FBXL14: variants seen among roughly 807,000 people sequenced by gnomAD.
FBXL14 encodes the protein F-box and leucine rich repeat protein 14, also known as F-box/LRR-repeat protein 14.
Under a neutral mutation model 24.5 loss-of-function variants are expected in FBXL14, and 11 were observed. The ratio of observed to expected loss-of-function variants is 0.45; its 90% CI spans 0.28 to 0.74. FBXL14 has a LOEUF of 0.74. Among genes scored for constraint, FBXL14 ranks in the 30% least tolerant of loss-of-function variants. The pLI is 0.12. For synonymous variants in FBXL14, 294 were observed against 240.4 expected (o/e 1.22, Z -2.06); for missense variants, 384 against 545.6 (o/e 0.70, Z 2.95).
intron 1 of FBXL14, among the ~76,000 whole-genome samples, chr12:1,588,833 C>T (rs1280888029): frequency 2.0e-5 from 3 of 152,020 alleles, no homozygotes; most frequent in Non-Finnish European, 4.4e-5. Flanking sequence ...TACCACCACG[C>T]AAAGTGTACT....
chr12:1,575,272 G>T (rs2094453651), intron 1 of FBXL14, among the ~76,000 whole-genome samples: 1 of 152,172 alleles, frequency 6.6e-6, no homozygotes, highest in Non-Finnish European at 1.5e-5. Flanking sequence ...AAGTAGTTTG[G>T]ATGATTAACA....
In FBXL14 at chr12:1,593,874, G is replaced by A. The variant is rs151115535; in HGVS notation, c.193C>T (p.Leu65=). 2.8e-5 allele frequency: 45 copies of A among 1,611,604 alleles called. No individual in the cohort carries two copies. The highest frequency in any genetic ancestry group is 3.4e-5 in the Non-Finnish European group (40 of 1,179,754). The change falls in exon 1 of 2, where the codon CTG becomes TTG. Residue 65 remains leucine (L), a synonymous_variant. Transcript: ENST00000339235. The surrounding 1 kb of genome is among the most constrained non-coding windows in gnomAD (Gnocchi z 7.4). The part of the protein sequence containing the change: ...RRANPSLFPS[L]QARGIRRVQI... Reference sequence around the variant, plus strand: ...ACCCGGCGGATGCCCCGGGCCTGCAGGCTGGGGAACAGCGACGGGTTGGCC... The same window carrying A: ...ACCCGGCGGATGCCCCGGGCCTGCAAGCTGGGGAACAGCGACGGGTTGGCC...
chr12:1,569,397 CTTTT>C lies in FBXL14; in HGVS notation c.1195-2591_1195-2588del, dbSNP rs35122636. On this transcript the variant is annotated intron_variant, in intron 1 of 1. Transcript: ENST00000339235. The surrounding 1 kb of genome is among the most constrained non-coding windows in gnomAD (Gnocchi z 4.2). ...ATGCTAAATAAGAAACCACTTCGTT[CTTTT>C]TTTTTTTTTTTTTGTCTGAGACGGA... 3.7e-5 allele frequency among the ~76,000 whole-genome samples: 5 copies of C among 134,916 alleles called. No homozygotes were observed. Among genetic ancestry groups the C allele is most frequent in the African/African-American group, 5.4e-5 (2 of 36,702 alleles). 88.5% of individuals were successfully genotyped at this position (134,916 alleles called of 152,430 possible).
Position 1,593,734 on chromosome 12 carries a change from C to T in FBXL14, c.333G>A (p.Ala111=), listed in dbSNP as rs777956163. 2.5e-6 allele frequency: 4 copies of T among 1,614,046 alleles called. No individual in the cohort carries two copies. The African/African-American group carries it at 4.0e-5, about 16-fold the overall frequency. Residue 111 remains alanine, a synonymous_variant, in exon 1 of 2, where the codon GCG becomes GCA. Transcript: ENST00000339235. The surrounding 1 kb of genome is among the most constrained non-coding windows in gnomAD (Gnocchi z 7.4). Reference sequence around the variant, plus strand: ...GCAGGGAGCCGATCTCCTGCACAAACGCGTGGCCCAGCCCGTTGTCGGTGA... The same window carrying T: ...GCAGGGAGCCGATCTCCTGCACAAATGCGTGGCCCAGCCCGTTGTCGGTGA... ...YNLTDNGLGH[A]FVQEIGSLRA...
chr12:1,569,865 A>G lies in FBXL14; in HGVS notation c.1195-3055T>C, dbSNP rs1415945630. On this transcript the variant is annotated intron_variant, in intron 1 of 1. Transcript: ENST00000339235. The surrounding 1 kb of genome is among the most constrained non-coding windows in gnomAD (Gnocchi z 4.2). Reference sequence around the variant, plus strand: ...CCTGTGCAAAGGAAGGGAGGCTCACACAGAGCCAAGGGAGGGCAGGGCGCA... The same window carrying G: ...CCTGTGCAAAGGAAGGGAGGCTCACGCAGAGCCAAGGGAGGGCAGGGCGCA... 1.3e-5 allele frequency among the ~76,000 whole-genome samples: 2 copies of G among 152,224 alleles called. No individual in the cohort carries two copies. The highest frequency in any genetic ancestry group is 4.8e-5 in the African/African-American group (2 of 41,454).
At chr12:1,568,628 G>A (rs1313272838) in intron 1 of FBXL14, among the ~76,000 whole-genome samples, 1 of 152,110 alleles carries the variant, frequency 6.6e-6, no homozygotes, top group Non-Finnish European at 1.5e-5. Flanking sequence ...TATTACAAGG[G>A]ATGAGGGGAG....
Position 1,592,939 on chromosome 12 carries a change from G to A in FBXL14, c.1128C>T (p.Arg376=). 6.2e-7 allele frequency: 1 copy of A among 1,611,364 alleles called. No individual in the cohort carries two copies. The highest frequency in any genetic ancestry group is 8.5e-7 in the Non-Finnish European group (1 of 1,178,224). ...CTRITKRGLE[R]ITQLPCLKVL... ...CCTTGAGGCACGGCAGCTGCGTGAT[G>A]CGCTCCAGGCCGCGCTTGGTGATTC... Residue 376 remains arginine (R), a synonymous_variant, in exon 1 of 2, where the codon CGC becomes CGT. Coordinates refer to ENST00000339235, the MANE Select transcript of FBXL14 (RefSeq NM_152441.3).
At chr12:1,581,407 C>T (rs1053275216) in intron 1 of FBXL14, among the ~76,000 whole-genome samples, 1 of 152,158 alleles carries the variant, frequency 6.6e-6, no homozygotes, top group Admixed American at 6.5e-5. Flanking sequence ...ATTACTGGAG[C>T]CCTCAGCTAT....
chr12:1,584,824 G>C (rs1415149189), intron 1 of FBXL14, among the ~76,000 whole-genome samples: 3 of 152,172 alleles, frequency 2.0e-5, no homozygotes, highest in South Asian at 2.1e-4. Context: ...TGGCCATCTT[G>C]TCGTTGTTGT....
At chr12:1,586,875 T>C (rs2094477742) in intron 1 of FBXL14, among the ~76,000 whole-genome samples, 1 of 152,246 alleles carries the variant, frequency 6.6e-6, no homozygotes, top group African/African-American at 2.4e-5. Flanking sequence ...GAGACTCATT[T>C]GTTTCCACTA....
At chr12:1,578,080 G>A (rs1043684585) in intron 1 of FBXL14, among the ~76,000 whole-genome samples, 1 of 152,122 alleles carries the variant, frequency 6.6e-6, no homozygotes, top group Non-Finnish European at 1.5e-5. Flanking sequence ...TCATAACTGC[G>A]ATATAATTTC....
chr12:1,568,413 A>C (rs1246417180), intron 1 of FBXL14, among the ~76,000 whole-genome samples: 1 of 152,204 alleles, frequency 6.6e-6, no homozygotes, highest in Non-Finnish European at 1.5e-5. Flanking sequence ...TGTTACAAGA[A>C]ATTCTTTAGA....
At position 1,577,879 on chromosome 12, in the gene FBXL14, C is replaced by T. The variant is rs1018301512; in HGVS notation, c.1195-11069G>A. ...TTTGAGTAGGAGTTCAGGGTAGACACGCTCTTGGATATCAAGAGCATAAAC... is the reference window on the plus strand; with the variant it reads ...TTTGAGTAGGAGTTCAGGGTAGACATGCTCTTGGATATCAAGAGCATAAAC... On this transcript the variant is annotated intron_variant, in intron 1 of 1. Transcript: ENST00000339235. Among the ~76,000 whole-genome samples the T allele has an allele frequency of 9.9e-5, 15 of 152,188 alleles. 1 individual carries two copies. Among genetic ancestry groups the T allele is most frequent in the Admixed American group, 7.2e-4 (11 of 15,282 alleles).
chr12:1,577,034 C>T (rs910461390), intron 1 of FBXL14, among the ~76,000 whole-genome samples: 2 of 152,156 alleles, frequency 1.3e-5, no homozygotes, highest in Admixed American at 6.5e-5. Context: ...ACTGATAAAG[C>T]CAGCCACAGG....
chr12:1,570,019 A>G (rs1219460853), intron 1 of FBXL14, among the ~76,000 whole-genome samples: 1 of 152,162 alleles, frequency 6.6e-6, no homozygotes, highest in Non-Finnish European at 1.5e-5. Context: ...GATTCTTCCT[A>G]AGAGAACGTT....
Position 1,593,947 on chromosome 12 carries a change from G to A in FBXL14, c.120C>T (p.Tyr40=). ...QVCTAWRDAA[Y]HKSVWRGVEA... ...CCACCCCCCGCCACACCGACTTGTG[G>A]TAGGCGGCGTCCCGCCAGGCGGTGC... The change falls in exon 1 of 2, where the codon TAC becomes TAT. Residue 40 remains tyrosine, a synonymous_variant. Coordinates refer to ENST00000339235, the MANE Select transcript of FBXL14 (RefSeq NM_152441.3). This position sits in a 1 kb window ranked among gnomAD's most constrained non-coding sequence, Gnocchi z 7.4. The A allele has an allele frequency of 6.3e-7, 1 of 1,591,836 alleles. No homozygotes were observed. The highest frequency in any genetic ancestry group is 8.5e-7 in the Non-Finnish European group (1 of 1,176,332).
chr12:1,594,653 C>T (rs552142815), upstream of FBXL14, among the ~76,000 whole-genome samples: 3 of 149,250 alleles, frequency 2.0e-5, no homozygotes, highest in East Asian at 5.8e-4. Context: ...TCCCGGCCGG[C>T]GGCGTGCGTT....
rs189504887 is a variant in FBXL14, at chr12:1,590,413, T to C, written c.1194+2460A>G. Among the ~76,000 whole-genome samples the C allele has an allele frequency of 4.6e-4, 70 of 152,346 alleles. 1 individual carries two copies. The highest frequency in any genetic ancestry group is 1.6e-3 in the African/African-American group (67 of 41,576). Reference sequence around the variant, plus strand: ...CCAGGAAAGTTTTATACTACTCTTATCAGCTCTTGCTGAGATCAGTATTTT... The same window carrying C: ...CCAGGAAAGTTTTATACTACTCTTACCAGCTCTTGCTGAGATCAGTATTTT... On this transcript the variant is annotated intron_variant, in intron 1 of 1. Coordinates refer to ENST00000339235, the MANE Select transcript of FBXL14 (RefSeq NM_152441.3).
At chr12:1,572,333 C>T (rs2094446841) in intron 1 of FBXL14, among the ~76,000 whole-genome samples, 1 of 152,256 alleles carries the variant, frequency 6.6e-6, no homozygotes, top group Admixed American at 6.5e-5. Context: ...ACCAGCACCA[C>T]AGTCACAATA....
Sources: gnomAD v4.1 joint callset for allele counts (sites outside exome capture counted in the v4.1 genomes callset) on GRCh38, gnomAD v4.1.1 for gene constraint, Gnocchi (gnomAD v3.1) non-coding constraint, MANE v1.5 for transcripts, NCBI Gene and HGNC (gene_info 2026-07-23, HGNC 2026-07-21) for gene names.